SLC67A2: variants seen among roughly 807,000 people sequenced by gnomAD.
SLC67A2 encodes the protein solute carrier family 67 member A2.
At chr2:102,726,637 C>G in the SLC67A2 span, among the ~76,000 whole-genome samples, 1 of 150,884 alleles carries the variant, frequency 6.6e-6, no homozygotes, top group Non-Finnish European at 1.5e-5. Flanking sequence ...CACACACACA[C>G]ACAGGCCAGC....
chr2:102,720,385 T>TA, the SLC67A2 span, among the ~76,000 whole-genome samples: 1 of 152,142 alleles, frequency 6.6e-6, no homozygotes, highest in Non-Finnish European at 1.5e-5. Flanking sequence ...GCTGATGAAC[T>TA]AAAAAAGTAG....
chr2:102,726,728 C>A, the SLC67A2 span: 2 of 1,414,220 alleles, frequency 1.4e-6, no homozygotes. Flanking sequence ...ACTCTTTAAG[C>A]AAGTAAGGAT....
chr2:102,714,704 GAA>G, the SLC67A2 span, among the ~76,000 whole-genome samples: 3 of 152,078 alleles, frequency 2.0e-5, no homozygotes, highest in African/African-American at 4.8e-5. Flanking sequence ...CATTAGAGCT[GAA>G]AAAAAGTTAT....
chr2:102,723,866 A>C, the SLC67A2 span: 2 of 1,614,172 alleles, frequency 1.2e-6, no homozygotes, highest in Non-Finnish European at 1.7e-6. Flanking sequence ...GAACCACATC[A>C]GAAAGTAGAG....
At chr2:102,723,572 A>G in the SLC67A2 span, 4 of 915,880 alleles carry the variant, frequency 4.4e-6, no homozygotes, top group Non-Finnish European at 6.6e-6. Flanking sequence ...GTTCCTCAAA[A>G]TGACTTTTGT....
At chr2:102,727,929 T>C in the SLC67A2 span, among the ~76,000 whole-genome samples, 1 of 152,210 alleles carries the variant, frequency 6.6e-6, no homozygotes, top group Non-Finnish European at 1.5e-5. Context: ...TGTGTACTAT[T>C]TGCATTTTCT....
the SLC67A2 span, among the ~76,000 whole-genome samples, chr2:102,728,403 C>T: frequency 1.7e-3 from 266 of 152,262 alleles, no homozygotes; most frequent in African/African-American, 5.9e-3. Flanking sequence ...CTACTGCATG[C>T]CAATTGCCAA....
At chr2:102,723,317 A>G in the SLC67A2 span, among the ~76,000 whole-genome samples, 2 of 152,122 alleles carry the variant, frequency 1.3e-5, no homozygotes, top group Non-Finnish European at 1.5e-5. Context: ...TAAAAATACA[A>G]AATTAACCGG....
the SLC67A2 span, among the ~76,000 whole-genome samples, chr2:102,733,345 C>T: frequency 6.6e-6 from 1 of 152,154 alleles, no homozygotes; most frequent in African/African-American, 2.4e-5. Flanking sequence ...AGAAAGAACT[C>T]GCATGAAATA....
At chr2:102,718,257 C>T in the SLC67A2 span, 2 of 748,978 alleles carry the variant, frequency 2.7e-6, no homozygotes, top group Non-Finnish European at 4.4e-6. Context: ...ATCCTGCAGG[C>T]ATGGCTGCAT....
chr2:102,719,109 C>T, the SLC67A2 span: 3 of 1,614,228 alleles, frequency 1.9e-6, no homozygotes, highest in South Asian at 2.2e-5. Context: ...TGCACTGTGT[C>T]ATGGCTCCTT....
At chr2:102,724,489 T>A in the SLC67A2 span, among the ~76,000 whole-genome samples, 1 of 152,196 alleles carries the variant, frequency 6.6e-6, no homozygotes. Flanking sequence ...AATGCTGTGA[T>A]ATAACTTTTA....
the SLC67A2 span, among the ~76,000 whole-genome samples, chr2:102,719,552 C>A: frequency 6.6e-6 from 1 of 152,204 alleles, no homozygotes; most frequent in African/African-American, 2.4e-5. Context: ...CTTTCTAATT[C>A]TCTGCCTATT....
the SLC67A2 span, chr2:102,726,930 T>C: frequency 6.2e-7 from 1 of 1,612,592 alleles, no homozygotes; most frequent in Non-Finnish European, 8.5e-7. Flanking sequence ...GTAGAATGCA[T>C]GCCAGCAAGG....
At chr2:102,734,906 A>G in the SLC67A2 span, among the ~76,000 whole-genome samples, 1 of 152,230 alleles carries the variant, frequency 6.6e-6, no homozygotes. Flanking sequence ...TTATTCTAAT[A>G]CTAAAACTAC....
the SLC67A2 span, chr2:102,718,855 C>A: frequency 6.2e-7 from 1 of 1,614,050 alleles, no homozygotes; most frequent in Non-Finnish European, 8.5e-7. Flanking sequence ...CGGCCCCCAG[C>A]ATGCTGCTGT....
the SLC67A2 span, chr2:102,726,750 C>A: frequency 6.7e-7 from 1 of 1,496,894 alleles, no homozygotes; most frequent in Non-Finnish European, 8.9e-7. Context: ...TTGAGCAAGA[C>A]CACAGAGGTG....
At chr2:102,723,771 T>C in the SLC67A2 span, 94 of 1,614,074 alleles carry the variant, frequency 5.8e-5, no homozygotes, top group Admixed American at 2.7e-4. Context: ...TTCAGTGAGA[T>C]AGCCACCGAC....
At chr2:102,736,371 G>A in the SLC67A2 span, among the ~76,000 whole-genome samples, 4 of 152,112 alleles carry the variant, frequency 2.6e-5, no homozygotes, top group African/African-American at 4.8e-5. Flanking sequence ...GGTCACACCT[G>A]AGGTTGGTAC....
Sources: allele counts gnomAD v4.1 joint callset (sites outside exome capture counted in the v4.1 genomes callset), GRCh38; gene constraint gnomAD v4.1.1; transcripts MANE v1.5; gene names NCBI Gene and HGNC (gene_info 2026-07-23, HGNC 2026-07-21).